The following RALGAPA2 variants were observed in gnomAD, a reference collection of about 807,000 sequenced individuals.
The protein encoded by RALGAPA2 is ral GTPase-activating protein subunit alpha-2.
Under a neutral mutation model 230.4 loss-of-function variants are expected in RALGAPA2, and 139 were observed. The ratio of observed to expected loss-of-function variants is 0.60; its 90% CI spans 0.53 to 0.69. The LOEUF is 0.69. RALGAPA2 is among the 30% of genes least tolerant of loss of function. RALGAPA2 has a pLI of 0.00. For synonymous variants in RALGAPA2, 847 were observed against 837.8 expected, an observed-to-expected ratio of 1.01 and a Z score of -0.19; for missense variants, 2,163 against 2,276.0, an observed-to-expected ratio of 0.95 and a Z score of 1.01.
intron 26 of RALGAPA2, among the ~76,000 whole-genome samples, chr20:20,532,203 T>C (rs1287697607): frequency 6.6e-6 from 1 of 152,216 alleles, no homozygotes; most frequent in Admixed American, 6.5e-5. Context: ...ATATGCACAA[T>C]ACCTATACCA....
chr20:20,396,565 G>A lies in RALGAPA2; in HGVS notation c.*35+130C>T, dbSNP rs991100002. ...GGCAGGAGTGTGGGCAGGGCCCCCG[G>A]GGAGGGGAAGGCCCAGGAGGGCGAG... is the stretch of plus-strand genomic sequence containing the variant. On this transcript the variant is annotated intron_variant, in intron 39 of 39. Coordinates refer to ENST00000202677, the MANE Select transcript of RALGAPA2 (RefSeq NM_020343.4). 34 of 798,568 alleles carry A rather than the reference G, an allele frequency of 4.3e-5. No homozygotes were observed. The Admixed American group carries it at 1.0e-3, about 24-fold the overall frequency. 49.5% of individuals were successfully genotyped at this position (798,568 alleles called of 1,614,324 possible).
rs766853121 is a variant in RALGAPA2, at chr20:20,393,143, T to G, written c.*146A>C. 7 of 1,360,764 alleles carry G rather than the reference T, an allele frequency of 5.1e-6. No homozygotes were observed. Among genetic ancestry groups the G allele is most frequent in the South Asian group, 1.2e-5 (1 of 86,344 alleles). 84.3% of individuals were successfully genotyped at this position (1,360,764 alleles called of 1,614,324 possible). A position where few individuals can be genotyped will look rare whatever the true frequency, so the allele number is the denominator to read the frequency against. On this transcript the variant is annotated 3_prime_UTR_variant, in exon 40 of 40. Transcript: ENST00000202677. ...AGGGCACTAGTACAGCAACGAAATT[T>G]CCTGGAGATTCTGGGTTTAGTGGCT...
In RALGAPA2 at chr20:20,619,383, G is replaced by A. The variant is rs777145574; in HGVS notation, c.1433C>T (p.Ser478Phe). Residue 478 changes from serine to phenylalanine, a missense_variant, in exon 12 of 40, where the codon TCT becomes TTT. By Grantham distance (155) the Ser-to-Phe change is radical. Coordinates refer to ENST00000202677, the MANE Select transcript of RALGAPA2 (RefSeq NM_020343.4). ...GGAGTATGTGCGTCCCCAACTGGAAGATCGTTTATGACCAGAACTTTCAGA... is the reference window on the plus strand; with the variant it reads ...GGAGTATGTGCGTCCCCAACTGGAAAATCGTTTATGACCAGAACTTTCAGA... The part of the protein sequence containing the change: ...ASSESSGHKR[S>F]SSWGRTYSFT... 3 of 1,608,172 alleles carry A rather than the reference G, an allele frequency of 1.9e-6. No individual in the cohort carries two copies. The South Asian group carries it at 3.3e-5, about 18-fold the overall frequency.
intron 3 of RALGAPA2, among the ~76,000 whole-genome samples, chr20:20,671,947 G>C (rs1165834442): frequency 1.3e-5 from 2 of 152,158 alleles, no homozygotes; most frequent in Non-Finnish European, 2.9e-5. Context: ...AGCAAAGAGG[G>C]AAGAAGAAAG....
intron 38 of RALGAPA2, among the ~76,000 whole-genome samples, chr20:20,404,724 C>A (rs1436939070): frequency 2.6e-5 from 4 of 152,240 alleles, no homozygotes; most frequent in Non-Finnish European, 4.4e-5. Context: ...GCTAAAGCGT[C>A]CCCTGAGCTG....
At chr20:20,447,663 C>T (rs2060894467) in intron 37 of RALGAPA2, among the ~76,000 whole-genome samples, 1 of 150,582 alleles carries the variant, frequency 6.6e-6, no homozygotes, top group Non-Finnish European at 1.5e-5. Context: ...GTCAAACAGT[C>T]AAATATCAAC....
At chr20:20,514,919 C>G (rs907887857) in intron 31 of RALGAPA2, among the ~76,000 whole-genome samples, 1 of 152,220 alleles carries the variant, frequency 6.6e-6, no homozygotes, top group African/African-American at 2.4e-5. Flanking sequence ...AACCAGGAGC[C>G]AAGGAGATTT....
intron 38 of RALGAPA2, among the ~76,000 whole-genome samples, chr20:20,406,145 C>A (rs374767885): frequency 6.6e-6 from 1 of 152,152 alleles, no homozygotes; most frequent in Admixed American, 6.5e-5. Flanking sequence ...CCTGCCTGCA[C>A]GTTAAAATAC....
chr20:20,496,291 T>C (rs566277806), intron 35 of RALGAPA2, among the ~76,000 whole-genome samples: 1 of 152,244 alleles, frequency 6.6e-6, no homozygotes, highest in South Asian at 2.1e-4. Flanking sequence ...CTGTCAGGTG[T>C]AAGAACACCC....
chr20:20,424,512 T>C (rs1176406281), intron 37 of RALGAPA2, among the ~76,000 whole-genome samples: 1 of 152,234 alleles, frequency 6.6e-6, no homozygotes, highest in Non-Finnish European at 1.5e-5. Context: ...AGGGAGTCAA[T>C]GTCACTTGAA....
chr20:20,615,945 C>A, intron 13 of RALGAPA2, 98 bp downstream of exon 13: 1 of 1,001,586 alleles, frequency 1.0e-6, no homozygotes. Context: ...TTGTTAAGTT[C>A]GTAAAAACAT....
chr20:20,458,055 G>A (rs571874795), intron 37 of RALGAPA2, among the ~76,000 whole-genome samples: 13 of 152,204 alleles, frequency 8.5e-5, no homozygotes, highest in Admixed American at 2.6e-4. Flanking sequence ...CTGATGCTCC[G>A]AGGAGACTGG....
At chr20:20,511,358 G>A (rs2062700012) in intron 32 of RALGAPA2, 33 bp from the exon 33 acceptor site, 1 of 1,533,746 alleles carries the variant, frequency 6.5e-7, no homozygotes, top group Non-Finnish European at 8.7e-7. Flanking sequence ...GAAAAACCAT[G>A]TGATTACAGA....
At chr20:20,537,246 C>T (rs373319512) in intron 24 of RALGAPA2, among the ~76,000 whole-genome samples, 11 of 152,012 alleles carry the variant, frequency 7.2e-5, no homozygotes, top group East Asian at 3.9e-4. Flanking sequence ...AACTGCTTTA[C>T]GAAAAAATAT....
intron 37 of RALGAPA2, among the ~76,000 whole-genome samples, chr20:20,444,984 G>A (rs942421222): frequency 1.3e-5 from 2 of 152,196 alleles, no homozygotes; most frequent in Non-Finnish European, 2.9e-5. Context: ...TGTTGCATGT[G>A]CCTGTGTTCG....
intron 24 of RALGAPA2, among the ~76,000 whole-genome samples, chr20:20,537,725 T>G (rs1265163877): frequency 6.6e-6 from 1 of 151,754 alleles, no homozygotes; most frequent in Non-Finnish European, 1.5e-5. Context: ...GTCATCAATC[T>G]ACTCACCTAT....
chr20:20,518,430 C>T (rs138781906), intron 31 of RALGAPA2, among the ~76,000 whole-genome samples: 1 of 152,168 alleles, frequency 6.6e-6, no homozygotes, highest in South Asian at 2.1e-4. Flanking sequence ...CAAATTTGAG[C>T]TCTTTCTTGC....
rs2123030466 is a variant in RALGAPA2 at position 20,437,703 on chromosome 20, G to A, written c.5496-25555C>T. Among the ~76,000 whole-genome samples the A allele has an allele frequency of 6.6e-6, 1 of 152,290 alleles. No individual in the cohort carries two copies. The highest frequency in any genetic ancestry group is 2.1e-4 in the South Asian group (1 of 4,828). On this transcript the variant is annotated intron_variant, in intron 37 of 39. Transcript: ENST00000202677. This position sits in a 1 kb window ranked among gnomAD's most constrained non-coding sequence, Gnocchi z 4.1. ...TTGCTCAAATGCCAGCTTTTCTCAGGAGGCACTGTGATCCAGACCCTTCAT... is the reference window on the plus strand; with the variant it reads ...TTGCTCAAATGCCAGCTTTTCTCAGAAGGCACTGTGATCCAGACCCTTCAT...
At chr20:20,585,223 T>C (rs1274156328) in intron 18 of RALGAPA2, among the ~76,000 whole-genome samples, 2 of 152,226 alleles carry the variant, frequency 1.3e-5, no homozygotes, top group East Asian at 1.9e-4. Context: ...CTAAATTATA[T>C]GGAAGGAATT....
Sources: gnomAD v4.1 joint callset for allele counts (sites outside exome capture counted in the v4.1 genomes callset) on GRCh38, gnomAD v4.1.1 for gene constraint, Gnocchi (gnomAD v3.1) non-coding constraint, MANE v1.5 for transcripts, NCBI Gene and HGNC (gene_info 2026-07-23, HGNC 2026-07-21) for gene names.